The following CCAR1 variants were observed in gnomAD, a reference collection of about 807,000 sequenced individuals.
CCAR1 encodes the protein cell division cycle and apoptosis regulator protein 1.
Under a neutral mutation model 163.8 loss-of-function variants are expected in CCAR1, and 78 were observed. That is an observed-to-expected ratio of 0.48 (90% CI 0.40 to 0.57). CCAR1 has a LOEUF of 0.57. Among genes scored for constraint, CCAR1 ranks in the 20% least tolerant of loss-of-function variants. The pLI is 0.00. For missense variants in CCAR1, 1,019 were observed against 1,365.2 expected (o/e 0.75, Z 4.00); for synonymous variants, 443 against 460.7 (o/e 0.96, Z 0.49).
intron 19 of CCAR1, among the ~76,000 whole-genome samples, chr10:68,775,687 C>CTTTTTTTTTTTTTTTTT (rs71028782): frequency 1.9e-5 from 1 of 51,762 alleles, no homozygotes; most frequent in African/African-American, 8.5e-5. Context: ...TTTTTCTTTT[C>CTTTTTTTTTTTTTTTTT]TTTTTTTTTT....
chr10:68,743,006 C>T (rs943104828), intron 6 of CCAR1, among the ~76,000 whole-genome samples: 3 of 151,872 alleles, frequency 2.0e-5, no homozygotes, highest in Non-Finnish European at 4.4e-5. Context: ...GATCTTGGCT[C>T]ATCACAACCT....
chr10:68,778,849 C>A (rs938252534), intron 19 of CCAR1, among the ~76,000 whole-genome samples: 1 of 151,914 alleles, frequency 6.6e-6, no homozygotes, highest in South Asian at 2.1e-4. Flanking sequence ...CTGGAGACTA[C>A]TCTTTTTTTG....
chr10:68,787,044 C>G (rs549740454), intron 21 of CCAR1: 1 of 184,054 alleles, frequency 5.4e-6, no homozygotes, highest in Non-Finnish European at 1.1e-5. Context: ...AAGATCACGC[C>G]ACTGCACTCC....
At chr10:68,747,112 AT>A in intron 6 of CCAR1, 48 bp from the exon 7 acceptor site, 1 of 941,486 alleles carries the variant, frequency 1.1e-6, no homozygotes. Context: ...GGAGAAATCT[AT>A]TTTAATTGTA....
At chr10:68,753,256 C>T (rs2056357580) in intron 10 of CCAR1, among the ~76,000 whole-genome samples, 1 of 152,068 alleles carries the variant, frequency 6.6e-6, no homozygotes, top group Non-Finnish European at 1.5e-5. Context: ...AAATTTATCC[C>T]CTCTATACAT....
chr10:68,747,885 G>A (rs924838364), intron 8 of CCAR1, among the ~76,000 whole-genome samples: 1 of 151,698 alleles, frequency 6.6e-6, no homozygotes, highest in Middle Eastern at 3.2e-3. Flanking sequence ...GTTCTTTTTC[G>A]CTCTGTCGCC....
At chr10:68,784,962 G>A (rs10823259) in intron 19 of CCAR1, among the ~76,000 whole-genome samples, 28,854 of 139,508 alleles carry the variant, frequency 0.21, 3,223 homozygotes, top group South Asian at 0.28. Flanking sequence ...CTGTCACCCC[G>A]GCTGGAGTGC....
At chr10:68,777,459 G>C (rs1268760102) in intron 19 of CCAR1, among the ~76,000 whole-genome samples, 1 of 152,070 alleles carries the variant, frequency 6.6e-6, no homozygotes, top group East Asian at 1.9e-4. Flanking sequence ...GAGGCGGGTG[G>C]ATAATTTGAG....
Position 68,754,709 on chromosome 10 carries a change from A to G in CCAR1, c.1345-5A>G, listed in dbSNP as rs763084789. 1.3e-6 allele frequency: 2 copies of G among 1,485,594 alleles called. No homozygotes were observed. The highest frequency in any genetic ancestry group is 9.4e-7 in the Non-Finnish European group (1 of 1,065,726). The allele number at this position is 1,485,594 out of a possible 1,614,324, so 92.0% of individuals were successfully genotyped here. ...TGACAGGATTGAATTATTTGACTATAATAGGTAATGCTGATGGCTAGCCCT... is the reference window on the plus strand; with the variant it reads ...TGACAGGATTGAATTATTTGACTATGATAGGTAATGCTGATGGCTAGCCCT... On this transcript the variant is annotated splice_region_variant and splice_polypyrimidine_tract_variant and intron_variant, in intron 11 of 24. Transcript: ENST00000265872.
chr10:68,733,256 C>G (rs1417066769), intron 2 of CCAR1, among the ~76,000 whole-genome samples: 1 of 151,038 alleles, frequency 6.6e-6, no homozygotes, highest in African/African-American at 2.4e-5. Flanking sequence ...CAGAAACTAT[C>G]AAAAATTAGT....
intron 6 of CCAR1, among the ~76,000 whole-genome samples, 154 bp from the exon 7 acceptor site, chr10:68,747,005 AAG>A: frequency 6.6e-6 from 1 of 152,128 alleles, no homozygotes; most frequent in East Asian, 1.9e-4. Context: ...CTACTTTTTA[AAG>A]AGCTTTCCAG....
chr10:68,771,060 A>G, intron 17 of CCAR1, 146 bp from the exon 18 acceptor site: 1 of 533,280 alleles, frequency 1.9e-6, no homozygotes, highest in Non-Finnish European at 3.1e-6. Flanking sequence ...CCTGGGCGAC[A>G]GAGCGAGACT....
intron 19 of CCAR1, among the ~76,000 whole-genome samples, chr10:68,773,757 G>A (rs536470296): frequency 6.6e-6 from 1 of 152,190 alleles, no homozygotes; most frequent in South Asian, 2.1e-4. Context: ...TATTACCCAG[G>A]CTGGAGTACT....
chr10:68,737,087 CTT>C lies in CCAR1; in HGVS notation c.246+41_246+42del, dbSNP rs1311306905. ...ATGTCTTATTATTTGATGTAGAAAACTTTATGAAATCTGAGTAGCTAGCATTG... is the reference window on the plus strand; with the variant it reads ...ATGTCTTATTATTTGATGTAGAAAACTATGAAATCTGAGTAGCTAGCATTG... On this transcript the variant is annotated intron_variant, in intron 3 of 24. Coordinates refer to ENST00000265872, the MANE Select transcript of CCAR1 (RefSeq NM_018237.4). 1.1e-5 allele frequency: 17 copies of C among 1,482,560 alleles called. No homozygotes were observed. The Admixed American group carries it at 2.8e-4, about 25-fold the overall frequency. The allele number at this position is 1,482,560 out of a possible 1,614,324, so 91.8% of individuals were successfully genotyped here.
At chr10:68,783,010 T>G (rs1018420046) in intron 19 of CCAR1, among the ~76,000 whole-genome samples, 1 of 148,408 alleles carries the variant, frequency 6.7e-6, no homozygotes, top group Non-Finnish European at 1.5e-5. Flanking sequence ...CTTTTTTTTT[T>G]TTTTTTTTTT....
chr10:68,788,544 G>A (rs902233697), intron 23 of CCAR1, among the ~76,000 whole-genome samples: 7 of 152,132 alleles, frequency 4.6e-5, no homozygotes, highest in Admixed American at 2.6e-4. Context: ...GAGTGCAGTG[G>A]CACAATCTCA....
At chr10:68,733,511 C>T (rs1314825314) in intron 2 of CCAR1, among the ~76,000 whole-genome samples, 1 of 151,300 alleles carries the variant, frequency 6.6e-6, no homozygotes, top group Non-Finnish European at 1.5e-5. Context: ...AGATTCTTCT[C>T]TTTCTTTAAA....
intron 2 of CCAR1, among the ~76,000 whole-genome samples, chr10:68,725,424 A>G (rs1016066414): frequency 1.3e-5 from 2 of 152,114 alleles, no homozygotes; most frequent in African/African-American, 4.8e-5. Flanking sequence ...AATAAAGTCA[A>G]CAAAACGTCA....
intron 15 of CCAR1, among the ~76,000 whole-genome samples, chr10:68,758,592 C>T (rs989890228): frequency 7.0e-6 from 1 of 143,398 alleles, no homozygotes; most frequent in Non-Finnish European, 1.5e-5. Context: ...TATATATGTA[C>T]ACACACATAT....
Sources: gnomAD v4.1 joint callset for allele counts (sites outside exome capture counted in the v4.1 genomes callset) on GRCh38, gnomAD v4.1.1 for gene constraint, MANE v1.5 for transcripts, NCBI Gene and HGNC (gene_info 2026-07-23, HGNC 2026-07-21) for gene names.